The following NCKAP5 variants were observed in gnomAD, a reference collection of about 807,000 sequenced individuals.
The protein encoded by NCKAP5 is nck-associated protein 5.
Under a neutral mutation model 167.0 loss-of-function variants are expected in NCKAP5, and 92 were observed. The ratio of observed to expected loss-of-function variants is 0.55; its 90% confidence interval spans 0.47 to 0.66. NCKAP5 has a LOEUF of 0.66. Among genes scored for constraint, NCKAP5 ranks in the 30% least tolerant of loss-of-function variants. The pLI is 0.00. For missense variants in NCKAP5, 2,378 were observed against 2,315.0 expected, an observed-to-expected ratio of 1.03 and a Z score of -0.56; for synonymous variants, 891 against 877.4, an observed-to-expected ratio of 1.02 and a Z score of -0.27.
chr2:133,596,563 G>A, the NCKAP5 span, among the ~76,000 whole-genome samples: 1 of 152,180 alleles, frequency 6.6e-6, no homozygotes, highest in Non-Finnish European at 1.5e-5. Flanking sequence ...GGATGTGGGG[G>A]ATACAGTAGA....
intron 4 of NCKAP5, among the ~76,000 whole-genome samples, chr2:133,244,824 T>G (rs76657426): frequency 0.048 from 7,250 of 152,176 alleles, 257 homozygotes; most frequent in South Asian, 0.095. Context: ...CCTGAGGGAC[T>G]GCAAATATAA....
At chr2:133,545,785 G>A (rs1351670152) in intron 2 of NCKAP5, among the ~76,000 whole-genome samples, 1 of 152,174 alleles carries the variant, frequency 6.6e-6, no homozygotes, top group African/African-American at 2.4e-5. Context: ...GGATTCGACA[G>A]TCCAAACGCT....
intron 3 of NCKAP5, among the ~76,000 whole-genome samples, chr2:133,442,665 A>G (rs1014303879): frequency 1.3e-5 from 2 of 152,214 alleles, no homozygotes; most frequent in Admixed American, 1.3e-4. Flanking sequence ...TTAGTTCCCC[A>G]GCACCTAGCA....
chr2:133,607,793 C>T, the NCKAP5 span, among the ~76,000 whole-genome samples: 106 of 152,190 alleles, frequency 7.0e-4, no homozygotes, highest in Admixed American at 1.3e-3. Context: ...TGATTCAAAC[C>T]CTGCCATCAC....
At chr2:133,009,641 G>A (rs559848851) in intron 6 of NCKAP5, among the ~76,000 whole-genome samples, 19 of 152,220 alleles carry the variant, frequency 1.2e-4, no homozygotes, top group African/African-American at 4.3e-4. Flanking sequence ...TAGGCTTTGT[G>A]TGGTAATGAG....
At chr2:133,012,414 A>G (rs184667314) in intron 6 of NCKAP5, among the ~76,000 whole-genome samples, 8 of 152,140 alleles carry the variant, frequency 5.3e-5, no homozygotes, top group African/African-American at 1.7e-4. Flanking sequence ...TGCCTGGCTA[A>G]GTTTTTGTAT....
At chr2:133,274,404 T>C (rs1327371645) in intron 4 of NCKAP5, among the ~76,000 whole-genome samples, 2 of 151,936 alleles carry the variant, frequency 1.3e-5, no homozygotes, top group Admixed American at 6.6e-5. Context: ...TAGTAAAACA[T>C]ATAAAAGTGA....
intron 6 of NCKAP5, among the ~76,000 whole-genome samples, chr2:133,048,238 G>A (rs892431758): frequency 6.6e-6 from 1 of 152,150 alleles, no homozygotes; most frequent in South Asian, 2.1e-4. Context: ...TTCACTACTT[G>A]TGGGAACTGG....
At chr2:132,912,598 C>T (rs1694543606) in intron 8 of NCKAP5, among the ~76,000 whole-genome samples, 1 of 152,210 alleles carries the variant, frequency 6.6e-6, no homozygotes, top group African/African-American at 2.4e-5. Flanking sequence ...AGCCTTCCTT[C>T]CTTCCAAACC....
chr2:133,517,349 G>A, intron 3 of NCKAP5, 109 bp downstream of exon 3: 1 of 491,020 alleles, frequency 2.0e-6, no homozygotes, highest in Non-Finnish European at 3.5e-6. Flanking sequence ...TGCTAATGGT[G>A]TAACTGGAAG....
At chr2:133,100,155 A>G (rs2081463661) in intron 6 of NCKAP5, among the ~76,000 whole-genome samples, 1 of 152,222 alleles carries the variant, frequency 6.6e-6, no homozygotes. Context: ...AACTTCCTTC[A>G]AATAATCTAC....
chr2:133,351,761 C>T (rs1357213394), intron 3 of NCKAP5, among the ~76,000 whole-genome samples: 1 of 152,142 alleles, frequency 6.6e-6, no homozygotes. Flanking sequence ...CACTCTCTCT[C>T]ATGCCACACA....
chr2:132,807,318 G>T (rs1388947210), intron 11 of NCKAP5, among the ~76,000 whole-genome samples: 1 of 151,982 alleles, frequency 6.6e-6, no homozygotes, highest in Non-Finnish European at 1.5e-5. Context: ...TTTTTATGGG[G>T]ATTGCATTGA....
At chr2:133,313,885 A>C (rs934555081) in intron 3 of NCKAP5, among the ~76,000 whole-genome samples, 1 of 152,192 alleles carries the variant, frequency 6.6e-6, no homozygotes, top group East Asian at 1.9e-4. Flanking sequence ...GCTACTCTAC[A>C]TGAAAGAATT....
intron 4 of NCKAP5, among the ~76,000 whole-genome samples, chr2:133,217,861 T>TC (rs1251077723): frequency 6.6e-6 from 1 of 152,074 alleles, no homozygotes; most frequent in Non-Finnish European, 1.5e-5. Context: ...CCACAGGGTA[T>TC]CCTCTGGTTC....
chr2:133,085,916 T>A (rs1038780940), intron 6 of NCKAP5, among the ~76,000 whole-genome samples: 1 of 152,070 alleles, frequency 6.6e-6, no homozygotes, highest in Non-Finnish European at 1.5e-5. Context: ...ACATTGGTAA[T>A]AAGGGTCCCC....
intron 8 of NCKAP5, among the ~76,000 whole-genome samples, chr2:132,886,673 C>T (rs1374742): frequency 0.5 from 75,854 of 152,044 alleles, 19,981 homozygotes; most frequent in East Asian, 0.67. Flanking sequence ...AATTTGAATT[C>T]GCCTGATGTT....
intron 3 of NCKAP5, among the ~76,000 whole-genome samples, chr2:133,388,971 C>G (rs1196264045): frequency 6.6e-6 from 1 of 152,194 alleles, no homozygotes; most frequent in Non-Finnish European, 1.5e-5. Flanking sequence ...ATTCCCTGAC[C>G]CTTTGCGCTT....
chr2:133,582,333 G>C, the NCKAP5 span, among the ~76,000 whole-genome samples: 1 of 152,168 alleles, frequency 6.6e-6, no homozygotes, highest in Non-Finnish European at 1.5e-5. Flanking sequence ...GATGCTAAAG[G>C]CTGAAAACTG....
Sources: allele counts gnomAD v4.1 joint callset (sites outside exome capture counted in the v4.1 genomes callset), GRCh38; gene constraint gnomAD v4.1.1; transcripts MANE v1.5; gene names NCBI Gene and HGNC (gene_info 2026-07-23, HGNC 2026-07-21).